The following PALS1 variants were observed in gnomAD, a reference collection of about 807,000 sequenced individuals.
PALS1 encodes protein associated with LIN7 1, MAGUK p55 family member, also known as protein PALS1.
In PALS1, 31 loss-of-function variants were observed where a neutral mutation model predicts 78.9. The observed-to-expected ratio is 0.39, with a 90% confidence interval of 0.30 to 0.53. The LOEUF (loss-of-function observed/expected upper bound fraction) is 0.53, where lower values mean the gene tolerates loss of function less well. PALS1 is among the 20% of genes least tolerant of loss of function. The pLI is 0.67. For synonymous variants in PALS1, 276 were observed against 270.9 expected (o/e 1.02, Z -0.18); for missense variants, 704 against 826.5 (o/e 0.85, Z 1.82).
chr14:67,329,734 T>G (rs910333531), intron 14 of PALS1, among the ~76,000 whole-genome samples: 1 of 151,918 alleles, frequency 6.6e-6, no homozygotes, highest in Admixed American at 6.6e-5. Context: ...CAAAAAACAT[T>G]AGCCAGGCAT....
At chr14:67,273,761 T>C (rs2140618974) in intron 2 of PALS1, among the ~76,000 whole-genome samples, 1 of 152,344 alleles carries the variant, frequency 6.6e-6, no homozygotes, top group East Asian at 1.9e-4. Flanking sequence ...TGTTCCTGTT[T>C]CTCCACATCC....
intron 14 of PALS1, among the ~76,000 whole-genome samples, chr14:67,332,131 G>A (rs368597135): frequency 2.2e-4 from 34 of 152,236 alleles, no homozygotes; most frequent in African/African-American, 7.7e-4. Context: ...CATTGGCAGG[G>A]GTGATTTGAG....
chr14:67,245,357 G>T (rs922791316), intron 1 of PALS1, among the ~76,000 whole-genome samples: 4 of 152,028 alleles, frequency 2.6e-5, no homozygotes, highest in Non-Finnish European at 4.4e-5. Context: ...GTAGTATCTC[G>T]TTGGGATTTT....
Position 67,334,788 on chromosome 14 carries a change from A to C in PALS1, c.*1832A>C, listed in dbSNP as rs1469479270. ...AGGTCACACCGATTTTTAGCATTAA[A>C]AACTAAGGAATATACTTAGCACTTA... On this transcript the variant is annotated 3_prime_UTR_variant, in exon 15 of 15. Transcript: ENST00000261681. 6.6e-6 allele frequency: 1 copy of C among 152,234 alleles called. No individual in the cohort carries two copies. The highest frequency in any genetic ancestry group is 2.4e-5 in the African/African-American group (1 of 41,470). 9.4% of individuals were successfully genotyped at this position (152,234 alleles called of 1,614,324 possible). A position where few individuals can be genotyped will look rare whatever the true frequency, so the allele number is the denominator to read the frequency against.
At chr14:67,273,653 G>A (rs904995653) in intron 2 of PALS1, among the ~76,000 whole-genome samples, 5 of 152,166 alleles carry the variant, frequency 3.3e-5, no homozygotes, top group African/African-American at 1.2e-4. Flanking sequence ...TGGGATGGCT[G>A]GGTCAAATGG....
At chr14:67,243,645 A>G (rs1010466252) in intron 1 of PALS1, among the ~76,000 whole-genome samples, 1 of 150,746 alleles carries the variant, frequency 6.6e-6, no homozygotes, top group African/African-American at 2.4e-5. Context: ...GGTGCCCGCC[A>G]CCACGCCTGC....
rs2084937652 is a variant in PALS1 at position 67,301,982 on chromosome 14, T to A, written c.665T>A (p.Leu222Gln). The A allele has an allele frequency of 2.5e-6, 4 of 1,585,428 alleles. No homozygotes were observed. Among genetic ancestry groups the A allele is most frequent in the Non-Finnish European group, 3.4e-6 (4 of 1,170,348 alleles). The change falls in exon 6 of 15, where the codon CTG becomes CAG. Residue 222 changes from leucine (L) to glutamine (Q), a missense_variant. By Grantham distance (113) the Leu-to-Gln change is moderately radical (BLOSUM62 -2). Coordinates refer to ENST00000261681, the MANE Select transcript of PALS1 (RefSeq NM_022474.4). Reference sequence around the variant, plus strand: ...ATTTCTTTGAAACAGGCACTTTTACTGGCCCACGATAAGGTTGCTGAGCAG... The same window carrying A: ...ATTTCTTTGAAACAGGCACTTTTACAGGCCCACGATAAGGTTGCTGAGCAG... ...LNTPHIQALL[L>Q]AHDKVAEQEM...
chr14:67,305,994 T>C (rs951217205), intron 8 of PALS1, among the ~76,000 whole-genome samples: 1 of 151,814 alleles, frequency 6.6e-6, no homozygotes, highest in African/African-American at 2.4e-5. Flanking sequence ...TTCTTTTTAC[T>C]TGGAGTCTCA....
rs756288781 is a variant in PALS1 at position 67,303,503 on chromosome 14, C to T, written c.964-19C>T. The T allele has an allele frequency of 8.2e-6, 13 of 1,585,138 alleles. No individual in the cohort carries two copies. Among genetic ancestry groups the T allele is most frequent in the Middle Eastern group, 1.7e-4 (1 of 6,024 alleles). ...TCATAAATGCAAATTTAAAAAATAA[C>T]CTGATCTTTCTATTACAGTCTGATA... is the stretch of plus-strand genomic sequence containing the variant. On this transcript the variant is annotated intron_variant, in intron 7 of 14. Transcript: ENST00000261681.
chr14:67,275,900 A>G (rs1403335799), intron 2 of PALS1, among the ~76,000 whole-genome samples: 1 of 151,860 alleles, frequency 6.6e-6, no homozygotes, highest in East Asian at 1.9e-4. Context: ...TTTCTACTTT[A>G]TTTGCGTAGA....
intron 4 of PALS1, among the ~76,000 whole-genome samples, chr14:67,293,635 T>C (rs2084804739): frequency 2.6e-5 from 4 of 152,200 alleles, no homozygotes; most frequent in Non-Finnish European, 4.4e-5. Context: ...GAAATAACAT[T>C]ACCTTGATCT....
rs570876779 is a variant in PALS1, at chr14:67,306,306, G to C, written c.1041+2707G>C. Among the ~76,000 whole-genome samples the C allele has an allele frequency of 3.3e-5, 5 of 151,854 alleles. No individual in the cohort carries two copies. In the South Asian group the frequency reaches 6.3e-4, roughly 19 times the overall value. ...TTAAAGTAGGGATCTTTTCAGAATA[G>C]AGTGATGTGCAGTATTTTTCTTTTC... On this transcript the variant is annotated intron_variant, in intron 8 of 14. Transcript: ENST00000261681.
intron 1 of PALS1, among the ~76,000 whole-genome samples, chr14:67,251,472 G>A (rs1261634113): frequency 6.6e-6 from 1 of 152,160 alleles, no homozygotes; most frequent in Non-Finnish European, 1.5e-5. Context: ...GGTTGAGGCT[G>A]CAGTGAACCA....
chr14:67,300,102 G>C (rs774324865), intron 4 of PALS1, among the ~76,000 whole-genome samples: 1 of 152,114 alleles, frequency 6.6e-6, no homozygotes, highest in South Asian at 2.1e-4. Flanking sequence ...AATATTTGCT[G>C]TGCCGTCCTG....
intron 6 of PALS1, 123 bp downstream of exon 6, chr14:67,302,241 A>G (rs2084941827): frequency 8.3e-7 from 1 of 1,204,936 alleles, no homozygotes; most frequent in Non-Finnish European, 1.1e-6. Flanking sequence ...TGTGGGGGAA[A>G]TGGTCAACTT....
intron 3 of PALS1, among the ~76,000 whole-genome samples, chr14:67,285,234 T>C (rs2084667274): frequency 6.6e-6 from 1 of 152,224 alleles, no homozygotes; most frequent in Admixed American, 6.5e-5. Flanking sequence ...GAGTTGGAAT[T>C]ATTTACACAA....
intron 1 of PALS1, among the ~76,000 whole-genome samples, chr14:67,253,242 A>G (rs2084092303): frequency 6.6e-6 from 1 of 152,214 alleles, no homozygotes; most frequent in Non-Finnish European, 1.5e-5. Flanking sequence ...AATGGTAGGC[A>G]TGGTGTTAGT....
intron 2 of PALS1, among the ~76,000 whole-genome samples, chr14:67,274,435 T>G (rs1462380216): frequency 6.6e-6 from 1 of 152,190 alleles, no homozygotes. Flanking sequence ...TGATTGTAGA[T>G]GTGTGGTACT....
intron 12 of PALS1, 38 bp downstream of exon 12, chr14:67,320,435 A>C (rs765715251): frequency 1.6e-5 from 24 of 1,534,414 alleles, no homozygotes; most frequent in Non-Finnish European, 1.9e-5. Flanking sequence ...TGTGCTTTTC[A>C]ATTTACCAGC....
Sources: gnomAD v4.1 joint callset for allele counts (sites outside exome capture counted in the v4.1 genomes callset) on GRCh38, gnomAD v4.1.1 for gene constraint, MANE v1.5 for transcripts, NCBI Gene and HGNC (gene_info 2026-07-23, HGNC 2026-07-21) for gene names.